The following PRSS12 variants were observed in gnomAD, a reference collection of about 807,000 sequenced individuals.
PRSS12 encodes serine protease 12.
A neutral mutation model predicts 104.4 loss-of-function variants in PRSS12; 85 were observed. That is an observed-to-expected ratio of 0.81 (90% CI 0.68 to 0.98). The LOEUF (loss-of-function observed/expected upper bound fraction) is 0.98, where lower values mean the gene tolerates loss of function less well. Among genes scored for constraint, PRSS12 ranks in the 50% least tolerant of loss-of-function variants. The pLI is 0.00. For synonymous variants in PRSS12, 454 were observed against 425.2 expected (o/e 1.07, Z -0.83); for missense variants, 1,141 against 1,139.2 (o/e 1.00, Z -0.02).
At chr4:118,338,539 C>A (rs1046237660) in intron 1 of PRSS12, among the ~76,000 whole-genome samples, 2 of 152,084 alleles carry the variant, frequency 1.3e-5, no homozygotes, top group Admixed American at 6.5e-5. Context: ...ATTATATTTT[C>A]TTTTTTATCT....
chr4:118,291,474 AAAC>A (rs1225564783), intron 11 of PRSS12, among the ~76,000 whole-genome samples: 2 of 152,232 alleles, frequency 1.3e-5, no homozygotes, highest in East Asian at 1.9e-4. Flanking sequence ...AATAAAAAAT[AAAC>A]AACAGAAAAC....
chr4:118,300,941 G>T (rs1237200760), intron 8 of PRSS12, among the ~76,000 whole-genome samples: 2 of 152,022 alleles, frequency 1.3e-5, no homozygotes, highest in Non-Finnish European at 2.9e-5. Flanking sequence ...AAAATTATTA[G>T]ACTTCTTACA....
At chr4:118,332,026 G>A (rs946785924) in intron 3 of PRSS12, among the ~76,000 whole-genome samples, 160 bp from the exon 4 acceptor site, 2 of 152,014 alleles carry the variant, frequency 1.3e-5, no homozygotes, top group Non-Finnish European at 2.9e-5. Context: ...ATATATTATG[G>A]TAATCTTGGC....
chr4:118,280,518 G>A lies in PRSS12; in HGVS notation c.*1418C>T, dbSNP rs1308367801. 1 of 152,240 alleles carries A rather than the reference G, an allele frequency of 6.6e-6. No homozygotes were observed. Among genetic ancestry groups the A allele is most frequent in the Non-Finnish European group, 1.5e-5 (1 of 68,046 alleles). The allele number at this position is 152,240 out of a possible 1,614,324, so 9.4% of individuals were successfully genotyped here. A position where few individuals can be genotyped will look rare whatever the true frequency, so the allele number is the denominator to read the frequency against. On this transcript the variant is annotated 3_prime_UTR_variant, in exon 13 of 13. Coordinates refer to ENST00000296498, the MANE Select transcript of PRSS12 (RefSeq NM_003619.4). The stretch of plus-strand genomic sequence containing the variant: ...TACAGAAATGGGGATTTGTGAAAAG[G>A]ATGTAATTTGATGTAGAAGGGCAAA...
intron 7 of PRSS12, among the ~76,000 whole-genome samples, chr4:118,312,472 T>C (rs776711362): frequency 7.1e-6 from 1 of 141,168 alleles, no homozygotes; most frequent in Non-Finnish European, 1.5e-5. Flanking sequence ...TTTTCATTCA[T>C]ATATATTCTG....
intron 2 of PRSS12, among the ~76,000 whole-genome samples, chr4:118,337,501 C>T (rs1325336641): frequency 6.6e-6 from 1 of 152,148 alleles, no homozygotes; most frequent in Non-Finnish European, 1.5e-5. Flanking sequence ...ACTGACTTGT[C>T]GTAAAGACAG....
At chr4:118,324,926 G>A (rs932774421) in intron 4 of PRSS12, among the ~76,000 whole-genome samples, 1 of 151,942 alleles carries the variant, frequency 6.6e-6, no homozygotes, top group Non-Finnish European at 1.5e-5. Context: ...GGTCAGGCTG[G>A]TCTCGAACTC....
chr4:118,334,680 C>T (rs116596946), intron 3 of PRSS12, among the ~76,000 whole-genome samples: 3,037 of 152,246 alleles, frequency 0.02, 37 homozygotes, highest in Non-Finnish European at 0.032. Flanking sequence ...GTAGGAGCTT[C>T]CTTATTCTTC....
intron 10 of PRSS12, among the ~76,000 whole-genome samples, chr4:118,295,389 G>A (rs1578905751): frequency 1.3e-5 from 2 of 152,176 alleles, no homozygotes; most frequent in African/African-American, 4.8e-5. Context: ...TATGCAGTCT[G>A]AAGAAGTATT....
At chr4:118,327,831 T>C (rs1723814689) in intron 4 of PRSS12, among the ~76,000 whole-genome samples, 2 of 152,208 alleles carry the variant, frequency 1.3e-5, no homozygotes, top group Admixed American at 6.5e-5. Flanking sequence ...TGTTCTGGGT[T>C]AATCAAATTT....
At chr4:118,349,590 A>T (rs561435652) in intron 1 of PRSS12, among the ~76,000 whole-genome samples, 6 of 152,342 alleles carry the variant, frequency 3.9e-5, no homozygotes, top group Non-Finnish European at 8.8e-5. Flanking sequence ...AAATACAGCA[A>T]AATCAGCTGT....
chr4:118,344,390 G>A (rs1724298793), intron 1 of PRSS12, among the ~76,000 whole-genome samples: 1 of 151,856 alleles, frequency 6.6e-6, no homozygotes, highest in South Asian at 2.1e-4. Context: ...TAATTTTTAT[G>A]TTATTTTCTT....
At chr4:118,352,096 G>C in intron 1 of PRSS12, 123 bp downstream of exon 1, 1 of 1,399,454 alleles carries the variant, frequency 7.1e-7, no homozygotes, top group Non-Finnish European at 9.6e-7. Context: ...ATCACAGCCC[G>C]CAAACGCAAG....
chr4:118,346,705 C>T (rs1228749063), intron 1 of PRSS12, among the ~76,000 whole-genome samples: 3 of 152,138 alleles, frequency 2.0e-5, no homozygotes, highest in Non-Finnish European at 2.9e-5. Context: ...CCCCATCGCT[C>T]ACATTACCAC....
In PRSS12 at chr4:118,295,043, C is replaced by G. The variant is rs1743223082; in HGVS notation, c.1935G>C (p.Gln645His). 6.2e-7 allele frequency: 1 copy of G among 1,613,966 alleles called. No individual in the cohort carries two copies. Among genetic ancestry groups the G allele is most frequent in the African/African-American group, 1.3e-5 (1 of 74,934 alleles). ...GGGATGACTTCAGCCGGAGGGAAAC[C>G]TGCCAAGGCCAACCACCCCTAAGAA... ...KNSLRGGWPW[Q>H]VSLRLKSSHG... Residue 645 changes from glutamine (Q) to histidine (H), a missense_variant, in exon 11 of 13, where the codon CAG becomes CAC. Physicochemically the swap from Gln to His is conservative, Grantham distance 24 (BLOSUM62 0). Transcript: ENST00000296498.
Position 118,331,752 on chromosome 4 carries a change from G to T in PRSS12, c.935C>A (p.Ala312Asp). 1 of 1,614,128 alleles carries T rather than the reference G, an allele frequency of 6.2e-7. No homozygotes were observed. Among genetic ancestry groups the T allele is most frequent in the East Asian group, 2.2e-5 (1 of 44,876 alleles). ...GTVCDDQWDD[A>D]DAEVICRQLG... ...CTGCCTGCAGATCACTTCTGCATCG[G>T]CATCATCCCATTGGTCATCACAAAC... Residue 312 changes from alanine to aspartate, a missense_variant, in exon 4 of 13, where the codon GCC (alanine) becomes GAC (aspartate). Ala to Asp is a moderately radical substitution (Grantham distance 126, BLOSUM62 -2). Coordinates refer to ENST00000296498, the MANE Select transcript of PRSS12 (RefSeq NM_003619.4).
chr4:118,334,979 G>T (rs2126041545), intron 3 of PRSS12, among the ~76,000 whole-genome samples: 1 of 152,218 alleles, frequency 6.6e-6, no homozygotes, highest in East Asian at 1.9e-4. Context: ...TATGGAACTT[G>T]GAAGAAGCCC....
chr4:118,318,203 ATG>A (rs1359481940), intron 5 of PRSS12, among the ~76,000 whole-genome samples, 173 bp downstream of exon 5: 1 of 152,190 alleles, frequency 6.6e-6, no homozygotes, highest in Admixed American at 6.6e-5. Flanking sequence ...AGGAATAACT[ATG>A]AATAAAAAGA....
chr4:118,299,507 C>T (rs561821046), intron 8 of PRSS12, among the ~76,000 whole-genome samples: 2 of 151,646 alleles, frequency 1.3e-5, no homozygotes, highest in African/African-American at 4.8e-5. Context: ...ATGGTGAAAC[C>T]GTTTCTACTA....
Sources: gnomAD v4.1 joint callset for allele counts (sites outside exome capture counted in the v4.1 genomes callset) on GRCh38, gnomAD v4.1.1 for gene constraint, MANE v1.5 for transcripts, NCBI Gene and HGNC (gene_info 2026-07-23, HGNC 2026-07-21) for gene names.